Variants in CLIP4 observed in about 807,000 individuals in gnomAD.
CLIP4 encodes CAP-Gly domain containing linker protein family member 4, also known as CAP-Gly domain-containing linker protein 4.
CLIP4 carries 47 observed loss-of-function variants against 73.1 expected under a neutral mutation model. The ratio of observed to expected loss-of-function variants is 0.64; its 90% CI spans 0.51 to 0.82. The LOEUF is 0.82. Among genes scored for constraint, CLIP4 ranks in the 40% least tolerant of loss-of-function variants. The pLI is 0.00. For missense variants in CLIP4, 874 were observed against 852.9 expected, an observed-to-expected ratio of 1.02 and a Z score of -0.31; for synonymous variants, 306 against 295.4, an observed-to-expected ratio of 1.04 and a Z score of -0.37.
At chr2:29,117,444 A>G (rs998672478) in intron 1 of CLIP4, among the ~76,000 whole-genome samples, 1 of 151,638 alleles carries the variant, frequency 6.6e-6, no homozygotes, top group African/African-American at 2.4e-5. Context: ...CCCAGGTTCA[A>G]GCGATTGTTC....
Position 29,153,191 on chromosome 2 carries a change from CG to C in CLIP4, c.1165+366del, listed in dbSNP as rs571362790. On this transcript the variant is annotated intron_variant, in intron 9 of 15. Coordinates refer to ENST00000320081, the MANE Select transcript of CLIP4 (RefSeq NM_024692.6). ...TTTTTACCAAAAAAAAGTCCTGACT[CG>C]GGAAACTAGCAGTTGCGGCTCTCTT... Among the ~76,000 whole-genome samples the C allele has an allele frequency of 2.8e-4, 42 of 152,140 alleles. No homozygotes were observed. The South Asian group carries it at 8.3e-3, about 30-fold the overall frequency.
intron 8 of CLIP4, among the ~76,000 whole-genome samples, chr2:29,151,431 G>GTGT (rs1666559305): frequency 6.6e-6 from 1 of 152,104 alleles, no homozygotes; most frequent in African/African-American, 2.4e-5. Flanking sequence ...GAGAGAGTGT[G>GTGT]TGTGTGTGTT....
At chr2:29,179,203 A>C (rs942892399) in intron 15 of CLIP4, among the ~76,000 whole-genome samples, 1 of 152,206 alleles carries the variant, frequency 6.6e-6, no homozygotes, top group African/African-American at 2.4e-5. Flanking sequence ...AGCACTCCTG[A>C]TTCAATGTTC....
intron 14 of CLIP4, among the ~76,000 whole-genome samples, chr2:29,168,221 A>G (rs374985008): frequency 1.2e-4 from 18 of 152,284 alleles, no homozygotes; most frequent in African/African-American, 4.3e-4. Context: ...CTGGATTACA[A>G]ATGAGGATGA....
At chr2:29,103,783 A>G (rs2148433694) in intron 1 of CLIP4, among the ~76,000 whole-genome samples, 1 of 151,326 alleles carries the variant, frequency 6.6e-6, no homozygotes, top group Admixed American at 6.6e-5. Context: ...GCATGATCTC[A>G]GCTCATTGCA....
intron 15 of CLIP4, among the ~76,000 whole-genome samples, chr2:29,180,275 T>G (rs556471100): frequency 2.7e-4 from 41 of 152,294 alleles, no homozygotes; most frequent in African/African-American, 9.6e-4. Context: ...TGGTCATGTT[T>G]CTATTGTGGG....
At chr2:29,108,581 G>A (rs1327220237) in intron 1 of CLIP4, among the ~76,000 whole-genome samples, 3 of 152,156 alleles carry the variant, frequency 2.0e-5, no homozygotes, top group African/African-American at 2.4e-5. Flanking sequence ...TGAAACTGCC[G>A]ATAAGAGAAG....
chr2:29,163,726 G>T, intron 12 of CLIP4, 105 bp from the exon 13 acceptor site: 1 of 1,092,952 alleles, frequency 9.1e-7, no homozygotes, highest in Non-Finnish European at 1.3e-6. Flanking sequence ...CCTCATTTTG[G>T]TCATTTATGG....
chr2:29,170,947 A>G (rs1303834577), intron 14 of CLIP4, among the ~76,000 whole-genome samples: 1 of 152,032 alleles, frequency 6.6e-6, no homozygotes, highest in Non-Finnish European at 1.5e-5. Flanking sequence ...GTTCTGTTTC[A>G]TTGATCTATT....
At chr2:29,108,482 T>G (rs1468495068) in intron 1 of CLIP4, among the ~76,000 whole-genome samples, 1 of 152,178 alleles carries the variant, frequency 6.6e-6, no homozygotes, top group Non-Finnish European at 1.5e-5. Flanking sequence ...TGGTGTGCAA[T>G]TTAAAACTTA....
At chr2:29,105,441 G>T (rs1668172889) in intron 1 of CLIP4, among the ~76,000 whole-genome samples, 1 of 152,204 alleles carries the variant, frequency 6.6e-6, no homozygotes, top group South Asian at 2.1e-4. Flanking sequence ...GGTTAGGCAG[G>T]AGTTTCCATT....
chr2:29,165,979 A>ATTC (rs1288948697), intron 13 of CLIP4, among the ~76,000 whole-genome samples: 10 of 149,156 alleles, frequency 6.7e-5, no homozygotes, highest in African/African-American at 2.0e-4. Context: ...CTTCTTCAAA[A>ATTC]AAAAAAAAAT....
intron 1 of CLIP4, among the ~76,000 whole-genome samples, chr2:29,120,764 G>A (rs958696644): frequency 2.0e-5 from 3 of 152,206 alleles, no homozygotes. Flanking sequence ...GGGAAAAAGA[G>A]GTAATATAAG....
At chr2:29,143,974 C>T in intron 7 of CLIP4, 29 bp downstream of exon 7, 1 of 1,586,520 alleles carries the variant, frequency 6.3e-7, no homozygotes, top group Non-Finnish European at 8.6e-7. Context: ...ATCTCTGAAG[C>T]CAGGGTTGTT....
At chr2:29,124,386 T>A (rs1016740810) in intron 2 of CLIP4, among the ~76,000 whole-genome samples, 4 of 152,196 alleles carry the variant, frequency 2.6e-5, no homozygotes, top group African/African-American at 9.6e-5. Context: ...TTTTTTTGGC[T>A]GCTTTAAAGA....
intron 15 of CLIP4, 45 bp from the exon 16 acceptor site, chr2:29,181,527 G>A (rs752755362): frequency 6.8e-7 from 1 of 1,464,944 alleles, no homozygotes; most frequent in Admixed American, 2.2e-5. Flanking sequence ...TGCATTACGT[G>A]GCTTCAGCAC....
At chr2:29,134,495 C>T (rs1044791866) in intron 5 of CLIP4, among the ~76,000 whole-genome samples, 2 of 152,160 alleles carry the variant, frequency 1.3e-5, no homozygotes, top group Non-Finnish European at 2.9e-5. Flanking sequence ...CATTTCTAAC[C>T]TCCAATCTGC....
chr2:29,145,334 A>G lies in CLIP4; in HGVS notation c.988A>G (p.Lys330Glu), dbSNP rs370651586. ...PEGKNNGSVG[K>E]VQYFKCAPKY... is the part of the protein sequence containing the mutation. Reference sequence around the variant, plus strand: ...AGGAAAAAATAATGGAAGTGTTGGAAAAGTCCAGTACTTTAAATGTGCCCC... The same window carrying G: ...AGGAAAAAATAATGGAAGTGTTGGAGAAGTCCAGTACTTTAAATGTGCCCC... The change falls in exon 8 of 16, where the codon AAA becomes GAA. Residue 330 changes from lysine to glutamate, a missense_variant. Physicochemically the swap from Lys to Glu is moderately conservative, Grantham distance 56. Coordinates refer to ENST00000320081, the MANE Select transcript of CLIP4 (RefSeq NM_024692.6). 7.4e-6 allele frequency: 12 copies of G among 1,612,746 alleles called. No individual in the cohort carries two copies. The South Asian group carries it at 1.1e-4, about 15-fold the overall frequency.
intron 8 of CLIP4, among the ~76,000 whole-genome samples, chr2:29,148,595 C>G (rs1484175944): frequency 2.0e-5 from 3 of 152,166 alleles, no homozygotes; most frequent in Non-Finnish European, 2.9e-5. Flanking sequence ...AAATCCTGCT[C>G]CTTAGAACTA....
Sources: gnomAD v4.1 joint callset for allele counts (sites outside exome capture counted in the v4.1 genomes callset) on GRCh38, gnomAD v4.1.1 for gene constraint, MANE v1.5 for transcripts, NCBI Gene and HGNC (gene_info 2026-07-23, HGNC 2026-07-21) for gene names.